CD80: variants seen among roughly 807,000 people sequenced by gnomAD.
CD80 encodes the protein T-lymphocyte activation antigen CD80.
A neutral mutation model predicts 27.1 loss-of-function variants in CD80; 13 were observed. The ratio of observed to expected loss-of-function variants is 0.48; its 90% confidence interval spans 0.31 to 0.76. The LOEUF (loss-of-function observed/expected upper bound fraction) is 0.76. Among genes scored for constraint, CD80 ranks in the 30% least tolerant of loss-of-function variants. The pLI is 0.04. For synonymous variants in CD80, 125 were observed against 125.5 expected (o/e 1.00, Z 0.03); for missense variants, 277 against 347.9 (o/e 0.80, Z 1.62).
At chr3:119,534,668 T>C (rs1185979839) in intron 4 of CD80, among the ~76,000 whole-genome samples, 2 of 152,206 alleles carry the variant, frequency 1.3e-5, no homozygotes, top group Non-Finnish European at 2.9e-5. Flanking sequence ...TACTCTACTG[T>C]TTTCTGCCTT....
At chr3:119,547,128 A>C (rs2082206441) in intron 2 of CD80, among the ~76,000 whole-genome samples, 1 of 152,222 alleles carries the variant, frequency 6.6e-6, no homozygotes, top group Admixed American at 6.5e-5. Flanking sequence ...ATCCTTGCCT[A>C]GAGGCTCCTG....
At position 119,529,893 on chromosome 3, in the gene CD80, T is replaced by C. The variant is rs2082100264; in HGVS notation, c.745A>G (p.Ile249Val). ...ATTCCATTTACTGAGATTAAGGTAA[T>C]GGCCCAGGATGGGAGCAGGTTATCA... Reference protein sequence around the residue: ...FPDNLLPSWAITLISVNGIFV... With the variant: ...FPDNLLPSWAVTLISVNGIFV... The change falls in exon 5 of 7, where the codon ATT becomes GTT. Residue 249 changes from isoleucine (I) to valine (V), a missense_variant. Transcript: ENST00000264246. 1 of 1,613,820 alleles carries C rather than the reference T, an allele frequency of 6.2e-7. No homozygotes were observed. Among genetic ancestry groups the C allele is most frequent in the African/African-American group, 1.3e-5 (1 of 74,930 alleles).
chr3:119,551,397 ACT>A (rs771973929), intron 2 of CD80, among the ~76,000 whole-genome samples: 2 of 151,892 alleles, frequency 1.3e-5, no homozygotes, highest in African/African-American at 4.8e-5. Context: ...GGTCATGGAG[ACT>A]CTGCCATCAT....
At chr3:119,558,822 TTTCCA>T (rs1420392059) in intron 1 of CD80, among the ~76,000 whole-genome samples, 5 of 152,116 alleles carry the variant, frequency 3.3e-5, no homozygotes, top group African/African-American at 1.2e-4. Context: ...GGGATTAATT[TTTCCA>T]GTAAATATGT....
intron 2 of CD80, among the ~76,000 whole-genome samples, chr3:119,545,218 G>GCC (rs1406992317): frequency 6.6e-6 from 1 of 151,976 alleles, no homozygotes; most frequent in Non-Finnish European, 1.5e-5. Flanking sequence ...GGTGGCGGGT[G>GCC]TAGTAATCCC....
At chr3:119,531,347 G>A (rs547104338) in intron 4 of CD80, among the ~76,000 whole-genome samples, 2 of 152,220 alleles carry the variant, frequency 1.3e-5, no homozygotes, top group Non-Finnish European at 2.9e-5. Flanking sequence ...TGGATTTCTT[G>A]TAGGCCTGTG....
intron 4 of CD80, among the ~76,000 whole-genome samples, chr3:119,535,861 T>G (rs1426668401): frequency 6.6e-6 from 1 of 152,160 alleles, no homozygotes; most frequent in East Asian, 1.9e-4. Context: ...AGGGCAAATT[T>G]TAATGCTTTC....
intron 3 of CD80, among the ~76,000 whole-genome samples, chr3:119,539,065 T>G (rs2082154334): frequency 6.6e-6 from 1 of 152,180 alleles, no homozygotes; most frequent in Non-Finnish European, 1.5e-5. Flanking sequence ...TTATTTTAGG[T>G]GAGAAGAAAA....
intron 2 of CD80, among the ~76,000 whole-genome samples, chr3:119,546,570 G>GA (rs2082203816): frequency 6.6e-6 from 1 of 151,848 alleles, no homozygotes; most frequent in African/African-American, 2.4e-5. Context: ...CAACTAAGAA[G>GA]AAAAAAGAGG....
chr3:119,555,058 A>C (rs567770242), intron 2 of CD80, among the ~76,000 whole-genome samples: 73 of 152,298 alleles, frequency 4.8e-4, no homozygotes, highest in African/African-American at 1.6e-3. Flanking sequence ...GCAGAATCTC[A>C]GGCCCCATCC....
At chr3:119,540,404 A>C (rs962286517) in intron 3 of CD80, among the ~76,000 whole-genome samples, 7 of 152,234 alleles carry the variant, frequency 4.6e-5, no homozygotes, top group African/African-American at 1.7e-4. Context: ...GATAATTGCC[A>C]GGAAAGAGGA....
intron 2 of CD80, among the ~76,000 whole-genome samples, chr3:119,548,280 C>T (rs1426856711): frequency 6.6e-6 from 1 of 152,156 alleles, no homozygotes; most frequent in Non-Finnish European, 1.5e-5. Flanking sequence ...CCACGCCTAG[C>T]ATGATGAGAC....
intron 3 of CD80, among the ~76,000 whole-genome samples, chr3:119,539,476 T>C (rs59804878): frequency 0.094 from 14,281 of 152,002 alleles, 1,512 homozygotes; most frequent in African/African-American, 0.26. Flanking sequence ...AACTACAACA[T>C]TGAGCCTATA....
intron 4 of CD80, among the ~76,000 whole-genome samples, chr3:119,535,486 C>A (rs1427891028): frequency 1.3e-5 from 2 of 152,250 alleles, no homozygotes; most frequent in Non-Finnish European, 1.5e-5. Context: ...ACAATTTAAA[C>A]AAGTATTAAT....
chr3:119,530,008 C>T, intron 4 of CD80, 71 bp from the exon 5 acceptor site: 1 of 1,078,912 alleles, frequency 9.3e-7, no homozygotes, highest in Middle Eastern at 2.0e-4. Context: ...TGTGCCTTTT[C>T]TATTGATGCA....
At chr3:119,535,401 A>G (rs1031867758) in intron 4 of CD80, among the ~76,000 whole-genome samples, 2 of 152,190 alleles carry the variant, frequency 1.3e-5, no homozygotes, top group African/African-American at 4.8e-5. Flanking sequence ...CTTACTATAC[A>G]GTCACAAAAC....
At chr3:119,525,954 A>C (rs187502362) in intron 6 of CD80, among the ~76,000 whole-genome samples, 46 of 151,322 alleles carry the variant, frequency 3.0e-4, no homozygotes, top group Admixed American at 5.3e-4. Flanking sequence ...TTTTAATCTC[A>C]AGATCAAGGG....
chr3:119,527,979 A>C, intron 5 of CD80, 138 bp from the exon 6 acceptor site: 1 of 730,254 alleles, frequency 1.4e-6, no homozygotes, highest in Non-Finnish European at 2.3e-6. Context: ...GTGATTTACA[A>C]TGCTCCCTCT....
At chr3:119,557,589 TG>T in intron 2 of CD80, 39 bp downstream of exon 2, 1 of 1,420,506 alleles carries the variant, frequency 7.0e-7, no homozygotes, top group African/African-American at 1.4e-5. Context: ...CTCTTAACCC[TG>T]TAGCAGTTGA....
Sources: gnomAD v4.1 joint callset for allele counts (sites outside exome capture counted in the v4.1 genomes callset) on GRCh38, gnomAD v4.1.1 for gene constraint, MANE v1.5 for transcripts, NCBI Gene and HGNC (gene_info 2026-07-23, HGNC 2026-07-21) for gene names.